NOS1AP: variants seen among roughly 807,000 people sequenced by gnomAD.
NOS1AP encodes nitric oxide synthase 1 adaptor protein, also known as carboxyl-terminal PDZ ligand of neuronal nitric oxide synthase protein.
In NOS1AP, 21 loss-of-function variants were observed where a neutral mutation model predicts 56.2. The ratio of observed to expected loss-of-function variants is 0.37; its 90% CI spans 0.26 to 0.54. NOS1AP has a LOEUF of 0.54. Ranked by LOEUF, NOS1AP falls within the 20% of genes least tolerant of loss-of-function variation. The pLI is 0.84. For synonymous variants in NOS1AP, 270 were observed against 274.6 expected (o/e 0.98, Z 0.17); for missense variants, 522 against 657.8 (o/e 0.79, Z 2.26).
intron 4 of NOS1AP, among the ~76,000 whole-genome samples, chr1:162,310,796 T>C (rs2101766140): frequency 6.6e-6 from 1 of 152,260 alleles, no homozygotes; most frequent in East Asian, 1.9e-4. Context: ...TCACTTTCCA[T>C]AGGTGACCCC....
intron 8 of NOS1AP, chr1:162,360,732 C>G (rs564460405): frequency 4.7e-5 from 21 of 448,188 alleles, no homozygotes; most frequent in African/African-American, 3.0e-4. Context: ...TCCCAGTCCC[C>G]AGCACGCTGG....
intron 2 of NOS1AP, among the ~76,000 whole-genome samples, chr1:162,155,362 A>G (rs186697420): frequency 2.2e-3 from 141 of 65,056 alleles, no homozygotes; most frequent in African/African-American, 6.7e-3. Flanking sequence ...ATGTATGTGT[A>G]TATATATATA....
chr1:162,338,401 T>A (rs748443210), intron 5 of NOS1AP, among the ~76,000 whole-genome samples: 2 of 152,218 alleles, frequency 1.3e-5, no homozygotes, highest in African/African-American at 2.4e-5. Flanking sequence ...ATTTTGTACT[T>A]ATACTCTCTA....
intron 1 of NOS1AP, among the ~76,000 whole-genome samples, chr1:162,081,526 T>C (rs559418018): frequency 9.0e-4 from 135 of 150,546 alleles, no homozygotes; most frequent in Non-Finnish European, 1.4e-3. Flanking sequence ...CCCATGCCCT[T>C]TTCCTTGCCT....
chr1:162,279,852 C>T (rs1654861984), intron 2 of NOS1AP, among the ~76,000 whole-genome samples: 1 of 152,162 alleles, frequency 6.6e-6, no homozygotes, highest in Non-Finnish European at 1.5e-5. Context: ...AAGCACAGAG[C>T]CAAGAGTCAG....
intron 3 of NOS1AP, among the ~76,000 whole-genome samples, chr1:162,290,830 C>T (rs1655263548): frequency 6.6e-6 from 1 of 152,158 alleles, no homozygotes; most frequent in Non-Finnish European, 1.5e-5. Flanking sequence ...CCTGGCTCTA[C>T]CCTTCTTGGC....
At chr1:162,159,451 T>G (rs537477308) in intron 2 of NOS1AP, among the ~76,000 whole-genome samples, 3 of 152,324 alleles carry the variant, frequency 2.0e-5, no homozygotes, top group African/African-American at 7.2e-5. Context: ...GGTATCATTT[T>G]TATGCCTTCC....
At chr1:162,255,188 T>C (rs541777770) in intron 2 of NOS1AP, among the ~76,000 whole-genome samples, 1 of 152,296 alleles carries the variant, frequency 6.6e-6, no homozygotes, top group African/African-American at 2.4e-5. Context: ...GGCTCACAGA[T>C]GACCTTGAGG....
rs936438761 is a variant in NOS1AP, at chr1:162,321,524, A to G, written c.345-11493A>G. On this transcript the variant is annotated intron_variant, in intron 4 of 9. Transcript: ENST00000361897. ...CATAGGTGGGAATTGAACAATGAGA[A>G]CACTTGGACACAGGGTGGGGGACAT... 5.3e-5 allele frequency among the ~76,000 whole-genome samples: 8 copies of G among 152,078 alleles called. No homozygotes were observed. The South Asian group carries it at 1.0e-3, about 20-fold the overall frequency.
At chr1:162,346,645 G>A (rs1336870427) in intron 6 of NOS1AP, among the ~76,000 whole-genome samples, 1 of 152,198 alleles carries the variant, frequency 6.6e-6, no homozygotes, top group Non-Finnish European at 1.5e-5. Context: ...GGGTGGCTGA[G>A]GTGGCAGGAA....
At position 162,146,547 on chromosome 1, in the gene NOS1AP, C is replaced by G. The variant is rs769639618; in HGVS notation, c.106-7858C>G. On this transcript the variant is annotated intron_variant, in intron 1 of 9. Transcript: ENST00000361897. ...GTCAGAGTGAGCTTTTCTGCCTGAGCTCCAGCCAGCCTGCACTGTGCCTGT... is the reference window on the plus strand; with the variant it reads ...GTCAGAGTGAGCTTTTCTGCCTGAGGTCCAGCCAGCCTGCACTGTGCCTGT... 3.2e-4 allele frequency among the ~76,000 whole-genome samples: 49 copies of G among 152,278 alleles called. 1 individual carries two copies. The highest frequency in any genetic ancestry group is 2.9e-4 in the Non-Finnish European group (20 of 68,018).
At chr1:162,233,922 C>T (rs892687239) in intron 2 of NOS1AP, among the ~76,000 whole-genome samples, 1 of 152,154 alleles carries the variant, frequency 6.6e-6, no homozygotes, top group Non-Finnish European at 1.5e-5. Flanking sequence ...TTTCTTTTTT[C>T]CTTTAAAATT....
Position 162,070,097 on chromosome 1 carries a change from T to A in NOS1AP, c.-81T>A, listed in dbSNP as rs1691628156. 1 of 1,169,364 alleles carries A rather than the reference T, an allele frequency of 8.6e-7. No homozygotes were observed. Among genetic ancestry groups the A allele is most frequent in the Non-Finnish European group, 1.3e-6 (1 of 786,174 alleles). 72.4% of individuals were successfully genotyped at this position (1,169,364 alleles called of 1,614,324 possible). ...CCCGCCACGCGTCGCCGCGCCCAGC[T>A]CCAGTCTCCCCTCCCCGGGGTCTCG... On this transcript the variant is annotated 5_prime_UTR_variant, in exon 1 of 10. Transcript: ENST00000361897.
At position 162,188,435 on chromosome 1, in the gene NOS1AP, A is replaced by T. The variant is rs1470720811; in HGVS notation, c.177+33959A>T. On this transcript the variant is annotated intron_variant, in intron 2 of 9. Transcript: ENST00000361897. This position sits in a 1 kb window ranked among gnomAD's most constrained non-coding sequence, Gnocchi z 4.0. ...TAATGCTCTGTTGTTAATATCTTATAAGACCTGGATCACTTGCTTTATTGA... is the reference window on the plus strand; with the variant it reads ...TAATGCTCTGTTGTTAATATCTTATTAGACCTGGATCACTTGCTTTATTGA... Among the ~76,000 whole-genome samples, 1 of 152,178 alleles carries T rather than the reference A, an allele frequency of 6.6e-6. No homozygotes were observed. The highest frequency in any genetic ancestry group is 2.4e-5 in the African/African-American group (1 of 41,422).
chr1:162,331,927 T>C (rs1386689546), intron 4 of NOS1AP, among the ~76,000 whole-genome samples: 2 of 152,228 alleles, frequency 1.3e-5, no homozygotes, highest in African/African-American at 4.8e-5. Context: ...TTCCTACCTC[T>C]GCCCACCCCA....
chr1:162,200,724 C>T (rs2102166094), intron 2 of NOS1AP, among the ~76,000 whole-genome samples: 1 of 152,266 alleles, frequency 6.6e-6, no homozygotes. Flanking sequence ...AGATATGTTG[C>T]TGTGGTGAAT....
chr1:162,225,157 G>T (rs1652900547), intron 2 of NOS1AP, among the ~76,000 whole-genome samples: 1 of 152,188 alleles, frequency 6.6e-6, no homozygotes, highest in Admixed American at 6.5e-5. Flanking sequence ...CTTTAGCCAT[G>T]TCTGAGCAGA....
chr1:162,165,976 C>T (rs1224361273), intron 2 of NOS1AP, among the ~76,000 whole-genome samples: 2 of 152,186 alleles, frequency 1.3e-5, no homozygotes, highest in Admixed American at 6.5e-5. Context: ...TTTCATATTT[C>T]CTTATCTCTT....
At chr1:162,277,818 T>A (rs1654791338) in intron 2 of NOS1AP, among the ~76,000 whole-genome samples, 1 of 152,254 alleles carries the variant, frequency 6.6e-6, no homozygotes, top group Admixed American at 6.5e-5. Flanking sequence ...GACCACTTCC[T>A]TATTCTGCTT....
Sources: allele counts gnomAD v4.1 joint callset (sites outside exome capture counted in the v4.1 genomes callset), GRCh38; gene constraint gnomAD v4.1.1; non-coding constraint Gnocchi (gnomAD v3.1); transcripts MANE v1.5; gene names NCBI Gene and HGNC (gene_info 2026-07-23, HGNC 2026-07-21).